The following MACF1 variants were observed in gnomAD, a reference collection of about 807,000 sequenced individuals.
MACF1 encodes the protein microtubule actin crosslinking factor 1, also known as microtubule-actin cross-linking factor 1.
Under a neutral mutation model 854.8 loss-of-function variants are expected in MACF1, and 193 were observed. The ratio of observed to expected loss-of-function variants is 0.23; its 90% confidence interval spans 0.20 to 0.25. The LOEUF (loss-of-function observed/expected upper bound fraction) is 0.25, where lower values mean the gene tolerates loss of function less well. Ranked by LOEUF, MACF1 falls within the 10% of genes least tolerant of loss-of-function variation. The pLI, the probability that MACF1 is intolerant of heterozygous loss-of-function variation, is 1.00. For synonymous variants in MACF1, 3,185 were observed against 3,226.7 expected, an observed-to-expected ratio of 0.99 and a Z score of 0.44; for missense variants, 7,722 against 8,929.1, an observed-to-expected ratio of 0.86 and a Z score of 5.45.
intron 95 of MACF1, among the ~76,000 whole-genome samples, chr1:39,466,836 G>C (rs1570183937): frequency 6.6e-6 from 1 of 152,232 alleles, no homozygotes; most frequent in Admixed American, 6.5e-5. Flanking sequence ...AATTGTATCA[G>C]ATGAAAGGTG....
intron 90 of MACF1, 64 bp from the exon 91 acceptor site, chr1:39,459,022 A>C (rs914378633): frequency 7.4e-7 from 1 of 1,355,050 alleles, no homozygotes; most frequent in African/African-American, 1.5e-5. Flanking sequence ...AGGTTTATAC[A>C]TACAGCTATT....
intron 88 of MACF1, 54 bp downstream of exon 88, chr1:39,453,904 G>A: frequency 1.3e-6 from 2 of 1,518,328 alleles, no homozygotes; most frequent in Non-Finnish European, 1.8e-6. Context: ...TATCACTATA[G>A]TATAGTATAG....
Position 39,442,127 on chromosome 1 carries a change from A to G in MACF1, c.18775-20A>G, listed in dbSNP as rs773285738. On this transcript the variant is annotated intron_variant, in intron 75 of 100. Transcript: ENST00000564288. ...TTTAAAGGCTTGATTTGATGTTAACATTGAGTGTGTCTTTGACAGGAGTTC... is the reference window on the plus strand; with the variant it reads ...TTTAAAGGCTTGATTTGATGTTAACGTTGAGTGTGTCTTTGACAGGAGTTC... The G allele has an allele frequency of 2.5e-6, 4 of 1,590,998 alleles. No homozygotes were observed. The highest frequency in any genetic ancestry group is 1.8e-5 in the Admixed American group (1 of 54,180).
At chr1:39,102,045 G>A (rs1017192004) in intron 2 of MACF1, among the ~76,000 whole-genome samples, 3 of 151,460 alleles carry the variant, frequency 2.0e-5, no homozygotes, top group East Asian at 1.9e-4. Flanking sequence ...GCGAGGTGGC[G>A]GGCGCCTGTA....
intron 2 of MACF1, among the ~76,000 whole-genome samples, chr1:39,126,872 A>C (rs937790580): frequency 6.6e-6 from 1 of 152,228 alleles, no homozygotes; most frequent in African/African-American, 2.4e-5. Context: ...GAGTGAACAT[A>C]TATGAAATTA....
chr1:39,391,627 A>G (rs12072631), intron 58 of MACF1, among the ~76,000 whole-genome samples: 4,516 of 152,348 alleles, frequency 0.03, 214 homozygotes, highest in African/African-American at 0.1. Context: ...GTCCACATGC[A>G]GGCATAAATA....
At chr1:39,214,722 A>C (rs1644555739) in intron 1 of MACF1, among the ~76,000 whole-genome samples, 1 of 152,164 alleles carries the variant, frequency 6.6e-6, no homozygotes, top group African/African-American at 2.4e-5. Context: ...GGGAAGGGAA[A>C]CTTTCTTTGG....
At chr1:39,221,187 C>G (rs1644647738) in intron 1 of MACF1, among the ~76,000 whole-genome samples, 2 of 152,008 alleles carry the variant, frequency 1.3e-5, no homozygotes, top group African/African-American at 4.8e-5. Context: ...AGGTCAGAGA[C>G]CAGTTCTTTA....
In MACF1 at chr1:39,333,276, T is replaced by G. The variant is rs1404507353; in HGVS notation, c.6688T>G (p.Leu2230Val). 4.3e-6 allele frequency: 7 copies of G among 1,613,960 alleles called. No individual in the cohort carries two copies. The Admixed American group carries it at 1.2e-4, about 27-fold the overall frequency. The stretch of plus-strand genomic sequence containing the variant: ...TCATCCTCTGGACAAAAAGGAAATG[T>G]TAAAGAAAACATTTCTGGCTAAGGA... ...NVHPLDKKEM[L>V]KKTFLAKDDH... Residue 2230 changes from leucine (L) to valine (V), a missense_variant, in exon 37 of 101, where the codon TTA (leucine) becomes GTA (valine). By Grantham distance (32) the Leu-to-Val change is conservative. Transcript: ENST00000564288.
intron 21 of MACF1, 62 bp downstream of exon 21, chr1:39,297,807 T>C (rs1420925208): frequency 6.3e-7 from 1 of 1,590,232 alleles, no homozygotes; most frequent in Non-Finnish European, 8.6e-7. Context: ...TATCAGCTGC[T>C]GCTGTTTATA....
At chr1:39,099,120 G>T (rs1216749512) in intron 2 of MACF1, among the ~76,000 whole-genome samples, 1 of 152,168 alleles carries the variant, frequency 6.6e-6, no homozygotes, top group East Asian at 1.9e-4. Flanking sequence ...GAGAGAATAT[G>T]TGCATGTGTG....
intron 1 of MACF1, among the ~76,000 whole-genome samples, chr1:39,207,914 A>C (rs1368390674): frequency 6.6e-6 from 1 of 151,718 alleles, no homozygotes. Flanking sequence ...CAGGTGGATC[A>C]CCTGAGGTCA....
intron 15 of MACF1, among the ~76,000 whole-genome samples, chr1:39,289,091 A>G (rs1485197812): frequency 6.6e-6 from 1 of 152,218 alleles, no homozygotes; most frequent in East Asian, 1.9e-4. Flanking sequence ...TTATGGTTGA[A>G]TAGTACTCCA....
At chr1:39,388,772 C>A in intron 58 of MACF1, 114 bp downstream of exon 58, 1 of 971,400 alleles carries the variant, frequency 1.0e-6, no homozygotes, top group Non-Finnish European at 1.5e-6. Flanking sequence ...ATTGTCACTT[C>A]CATCACCATG....
intron 1 of MACF1, among the ~76,000 whole-genome samples, chr1:39,208,161 A>G (rs1165403003): frequency 1.0e-5 from 1 of 100,256 alleles, no homozygotes; most frequent in Admixed American, 1.2e-4. Context: ...AAGAAATATA[A>G]AAGGGTTTTT....
chr1:39,175,839 T>C (rs1044076965), intron 2 of MACF1, among the ~76,000 whole-genome samples: 1 of 150,002 alleles, frequency 6.7e-6, no homozygotes, highest in Admixed American at 6.7e-5. Context: ...GGCTCACGCC[T>C]GTAATCCCAG....
chr1:39,211,667 G>A (rs958611463), intron 1 of MACF1, among the ~76,000 whole-genome samples: 2 of 152,118 alleles, frequency 1.3e-5, no homozygotes, highest in African/African-American at 4.8e-5. Context: ...TGGATCATGA[G>A]GTCAGGAGCT....
At chr1:39,213,206 C>T (rs1410397162) in intron 1 of MACF1, among the ~76,000 whole-genome samples, 1 of 152,204 alleles carries the variant, frequency 6.6e-6, no homozygotes, top group Non-Finnish European at 1.5e-5. Flanking sequence ...GTTTTTAGCA[C>T]ATTAACTGTG....
intron 68 of MACF1, among the ~76,000 whole-genome samples, chr1:39,434,189 T>C (rs1643923554): frequency 6.6e-6 from 1 of 152,106 alleles, no homozygotes; most frequent in South Asian, 2.1e-4. Flanking sequence ...TAAACTTTTA[T>C]CTTTTAAAAA....
Sources: allele counts gnomAD v4.1 joint callset (sites outside exome capture counted in the v4.1 genomes callset), GRCh38; gene constraint gnomAD v4.1.1; transcripts MANE v1.5; gene names NCBI Gene and HGNC (gene_info 2026-07-23, HGNC 2026-07-21).